STXBP5L: variants seen among roughly 807,000 people sequenced by gnomAD.
STXBP5L encodes the protein syntaxin-binding protein 5-like.
Under a neutral mutation model 144.5 loss-of-function variants are expected in STXBP5L, and 65 were observed. The ratio of observed to expected loss-of-function variants is 0.45; its 90% confidence interval spans 0.37 to 0.55. STXBP5L has a LOEUF of 0.55. Among genes scored for constraint, STXBP5L ranks in the 20% least tolerant of loss-of-function variants. The pLI is 0.00. For synonymous variants in STXBP5L, 505 were observed against 469.6 expected, an observed-to-expected ratio of 1.08 and a Z score of -0.97; for missense variants, 1,298 against 1,405.5, an observed-to-expected ratio of 0.92 and a Z score of 1.22.
rs979863548 is a variant in STXBP5L, at chr3:121,255,255, T to C, written c.1659+143T>C. The C allele has an allele frequency of 1.1e-5, 6 of 562,880 alleles. No homozygotes were observed. The African/African-American group carries it at 1.2e-4, about 11-fold the overall frequency. 34.9% of individuals were successfully genotyped at this position (562,880 alleles called of 1,614,324 possible). A position where few individuals can be genotyped will look rare whatever the true frequency, so the allele number is the denominator to read the frequency against. Reference sequence around the variant, plus strand: ...CAATTCACAGGATTTTAAATTATTATTGTTACTTACTATAACATATTAATA... The same window carrying C: ...CAATTCACAGGATTTTAAATTATTACTGTTACTTACTATAACATATTAATA... On this transcript the variant is annotated intron_variant, in intron 16 of 26. Coordinates refer to ENST00000471454, the MANE Select transcript of STXBP5L (RefSeq NM_001308330.2).
intron 7 of STXBP5L, among the ~76,000 whole-genome samples, chr3:121,122,491 A>C (rs73855329): frequency 1.3e-5 from 2 of 151,510 alleles, no homozygotes; most frequent in African/African-American, 4.8e-5. Flanking sequence ...ATTTTTGAAA[A>C]AGAAATACAG....
At chr3:121,070,088 A>G (rs2041738171) in intron 5 of STXBP5L, among the ~76,000 whole-genome samples, 1 of 152,218 alleles carries the variant, frequency 6.6e-6, no homozygotes, top group Non-Finnish European at 1.5e-5. Flanking sequence ...GAGAGACTGA[A>G]AAAGGTTCAG....
intron 7 of STXBP5L, among the ~76,000 whole-genome samples, chr3:121,128,083 G>A (rs2044794396): frequency 6.6e-6 from 1 of 152,002 alleles, no homozygotes; most frequent in Non-Finnish European, 1.5e-5. Context: ...CCTACCAAAG[G>A]AATTGAGGAT....
intron 3 of STXBP5L, among the ~76,000 whole-genome samples, chr3:120,999,083 C>T (rs1943571354): frequency 6.6e-6 from 1 of 152,132 alleles, no homozygotes; most frequent in African/African-American, 2.4e-5. Flanking sequence ...GATGGAGTCT[C>T]ATTCTCTCAC....
chr3:121,015,611 A>G (rs1945088813), intron 3 of STXBP5L, among the ~76,000 whole-genome samples: 1 of 152,062 alleles, frequency 6.6e-6, no homozygotes, highest in African/African-American at 2.4e-5. Flanking sequence ...CTTTTAGGGA[A>G]CCCACCAGGT....
intron 3 of STXBP5L, among the ~76,000 whole-genome samples, chr3:120,992,512 AT>A (rs907130730): frequency 6.6e-5 from 10 of 151,786 alleles, no homozygotes; most frequent in East Asian, 5.8e-4. Context: ...CATGAGATCA[AT>A]TTTTTTTATC....
At chr3:120,983,215 T>G (rs1576569345) in intron 3 of STXBP5L, among the ~76,000 whole-genome samples, 1 of 150,484 alleles carries the variant, frequency 6.6e-6, no homozygotes, top group African/African-American at 2.5e-5. Context: ...GCGTCTGGGG[T>G]CTGGCCTCTC....
At chr3:121,331,426 G>T (rs1299565182) in intron 20 of STXBP5L, among the ~76,000 whole-genome samples, 2 of 152,166 alleles carry the variant, frequency 1.3e-5, no homozygotes, top group Admixed American at 6.5e-5. Context: ...CACAGAAGGA[G>T]CATCCTCCAA....
At chr3:121,328,726 G>T (rs1370749502) in intron 20 of STXBP5L, among the ~76,000 whole-genome samples, 7 of 151,934 alleles carry the variant, frequency 4.6e-5, no homozygotes, top group Non-Finnish European at 8.8e-5. Context: ...CTCCAGCATG[G>T]GTGCTAGAGC....
intron 11 of STXBP5L, among the ~76,000 whole-genome samples, chr3:121,230,130 TGAG>T (rs1401609420): frequency 2.0e-5 from 3 of 152,216 alleles, no homozygotes; most frequent in African/African-American, 7.2e-5. Flanking sequence ...AGCAGTGTGC[TGAG>T]ATTACTTATG....
intron 9 of STXBP5L, among the ~76,000 whole-genome samples, chr3:121,178,696 G>C (rs942242145): frequency 7.9e-5 from 12 of 152,160 alleles, no homozygotes; most frequent in African/African-American, 2.9e-4. Context: ...CTTACCTGGA[G>C]CTGGAATGGA....
At chr3:121,341,847 G>T (rs1433279571) in intron 20 of STXBP5L, among the ~76,000 whole-genome samples, 1 of 136,100 alleles carries the variant, frequency 7.3e-6, no homozygotes, top group Non-Finnish European at 1.6e-5. Context: ...AGATACTAGA[G>T]GCTGAGAAGG....
At chr3:120,941,530 A>G (rs2107653530) in intron 2 of STXBP5L, among the ~76,000 whole-genome samples, 1 of 151,912 alleles carries the variant, frequency 6.6e-6, no homozygotes, top group African/African-American at 2.4e-5. Context: ...ATTACTATAG[A>G]AAGTTCAGAC....
intron 14 of STXBP5L, among the ~76,000 whole-genome samples, chr3:121,244,319 G>T (rs1453420310): frequency 3.3e-5 from 5 of 151,908 alleles, no homozygotes; most frequent in South Asian, 2.1e-4. Flanking sequence ...GCAGAAGAAA[G>T]AATCAGTGAA....
chr3:121,173,189 G>C (rs1423538690), intron 9 of STXBP5L, among the ~76,000 whole-genome samples: 2 of 151,940 alleles, frequency 1.3e-5, no homozygotes, highest in Non-Finnish European at 2.9e-5. Context: ...GGGGATGGGG[G>C]GCTAGCAGAG....
chr3:121,095,104 G>T (rs559551063), intron 5 of STXBP5L, among the ~76,000 whole-genome samples: 24 of 152,274 alleles, frequency 1.6e-4, no homozygotes, highest in Non-Finnish European at 2.9e-4. Flanking sequence ...TAAGAATGTT[G>T]AATATTGGCC....
intron 2 of STXBP5L, among the ~76,000 whole-genome samples, chr3:120,950,642 A>G (rs190697443): frequency 3.5e-4 from 54 of 152,270 alleles, no homozygotes; most frequent in African/African-American, 1.2e-3. Context: ...CCACTGCTCA[A>G]TGAAATAAAA....
At chr3:121,140,929 G>A (rs1037882431) in intron 7 of STXBP5L, among the ~76,000 whole-genome samples, 1 of 151,868 alleles carries the variant, frequency 6.6e-6, no homozygotes, top group East Asian at 1.9e-4. Flanking sequence ...GTGAGGGAAT[G>A]CTTTTAACTA....
rs569140285 is a variant in STXBP5L at position 120,949,937 on chromosome 3, T to C, written c.190-5003T>C. The stretch of plus-strand genomic sequence containing the variant: ...TTTTTGCTTTGGACAGAGTTCAATA[T>C]GTCTGTTTTTTGTTTCATTGCTTGT... On this transcript the variant is annotated intron_variant, in intron 2 of 26. Transcript: ENST00000471454. 2.0e-5 allele frequency among the ~76,000 whole-genome samples: 3 copies of C among 152,152 alleles called. No homozygotes were observed. The East Asian group carries it at 5.8e-4, about 29-fold the overall frequency.
Sources: gnomAD v4.1 joint callset for allele counts (sites outside exome capture counted in the v4.1 genomes callset) on GRCh38, gnomAD v4.1.1 for gene constraint, MANE v1.5 for transcripts, NCBI Gene and HGNC (gene_info 2026-07-23, HGNC 2026-07-21) for gene names.